The following UST variants were observed in gnomAD, a reference collection of about 807,000 sequenced individuals.
UST encodes the protein uronyl 2-sulfotransferase, also known as chondroitin sulfate 2-O-sulfotransferase.
UST carries 21 observed loss-of-function variants against 45.6 expected under a neutral mutation model. The observed-to-expected ratio is 0.46, with a 90% CI of 0.33 to 0.66. UST has a LOEUF of 0.66. UST is among the 30% of genes least tolerant of loss of function. The probability of loss-of-function intolerance (pLI) is 0.02; values close to 1 mark genes in which losing one functional copy is unlikely to be tolerated. For missense variants in UST, 463 were observed against 512.4 expected (o/e 0.90, Z 0.93); for synonymous variants, 215 against 200.6 (o/e 1.07, Z -0.61).
chr6:148,923,170 T>C (rs1195955258), intron 2 of UST, among the ~76,000 whole-genome samples: 2 of 152,214 alleles, frequency 1.3e-5, no homozygotes, highest in Admixed American at 1.3e-4. Flanking sequence ...GGACATACCA[T>C]GTTTTAGTTA....
chr6:148,757,551 T>A (rs1180076544), intron 1 of UST, among the ~76,000 whole-genome samples: 1 of 152,202 alleles, frequency 6.6e-6, no homozygotes, highest in Non-Finnish European at 1.5e-5. Context: ...AAATTAGGTC[T>A]CAATCCACCA....
chr6:149,066,904 T>C (rs758718861), intron 7 of UST, among the ~76,000 whole-genome samples: 14 of 152,084 alleles, frequency 9.2e-5, no homozygotes, highest in Non-Finnish European at 1.5e-5. Context: ...CACTCTAGCC[T>C]GGGCAACAGA....
At chr6:149,024,407 T>C (rs1344976088) in intron 7 of UST, among the ~76,000 whole-genome samples, 1 of 152,210 alleles carries the variant, frequency 6.6e-6, no homozygotes, top group African/African-American at 2.4e-5. Flanking sequence ...GAGTTGTTGC[T>C]TCAGTAACTT....
rs897422174 is a variant in UST at position 149,035,307 on chromosome 6, C to T, written c.937+13826C>T. The stretch of plus-strand genomic sequence containing the variant: ...ACCTTAAAAGTCTAAAAATTATAGA[C>T]ATTGGTTTAAGCGTTTTCATTTATT... On this transcript the variant is annotated intron_variant, in intron 7 of 7. Coordinates refer to ENST00000367463, the MANE Select transcript of UST (RefSeq NM_005715.3). 3.3e-5 allele frequency among the ~76,000 whole-genome samples: 5 copies of T among 152,228 alleles called. No individual in the cohort carries two copies. The East Asian group carries it at 9.6e-4, about 29-fold the overall frequency.
At chr6:148,866,917 A>C (rs1387215602) in intron 1 of UST, among the ~76,000 whole-genome samples, 4 of 151,862 alleles carry the variant, frequency 2.6e-5, no homozygotes, top group Non-Finnish European at 5.9e-5. Flanking sequence ...TTAGGTTTGT[A>C]ATGGCTTTGC....
intron 1 of UST, among the ~76,000 whole-genome samples, chr6:148,856,523 A>G (rs755341368): frequency 1.3e-5 from 2 of 152,210 alleles, no homozygotes; most frequent in Non-Finnish European, 2.9e-5. Context: ...CCACCAACCT[A>G]GCATGTCCTG....
At chr6:148,928,555 G>A (rs920138209) in intron 2 of UST, among the ~76,000 whole-genome samples, 7 of 152,208 alleles carry the variant, frequency 4.6e-5, no homozygotes, top group African/African-American at 1.7e-4. Flanking sequence ...TCCTGGTGGA[G>A]ATTTCTGAAA....
At position 149,028,899 on chromosome 6, in the gene UST, T is replaced by C. The variant is rs139228104; in HGVS notation, c.937+7418T>C. Among the ~76,000 whole-genome samples the C allele has an allele frequency of 3.2e-3, 482 of 152,358 alleles. 3 individuals are homozygous for C. The highest frequency in any genetic ancestry group is 0.011 in the African/African-American group (458 of 41,588). Reference sequence around the variant, plus strand: ...ATGTTATTTAATAGACATAGAATGATAATAGAGTTTTTTTAAGTAAGATTC... The same window carrying C: ...ATGTTATTTAATAGACATAGAATGACAATAGAGTTTTTTTAAGTAAGATTC... On this transcript the variant is annotated intron_variant, in intron 7 of 7. Transcript: ENST00000367463.
rs17085691 is a variant in UST at position 148,799,266 on chromosome 6, G to A, written c.247+51589G>A. 1.6e-3 allele frequency among the ~76,000 whole-genome samples: 244 copies of A among 152,330 alleles called. 3 individuals are homozygous for A. In the East Asian group the frequency reaches 0.038, roughly 24 times the overall value. On this transcript the variant is annotated intron_variant, in intron 1 of 7. Transcript: ENST00000367463. The stretch of plus-strand genomic sequence containing the variant: ...TCCCAGGTTAAGGTAGTAATTTAGC[G>A]TGGTCGCACACTAGAAGACTTCTCT...
At chr6:148,789,199 A>C (rs1382006858) in intron 1 of UST, among the ~76,000 whole-genome samples, 1 of 152,124 alleles carries the variant, frequency 6.6e-6, no homozygotes, top group African/African-American at 2.4e-5. Context: ...AGAAGGCTTA[A>C]TTATTTCTTC....
chr6:149,047,762 G>A (rs1776415201), intron 7 of UST, among the ~76,000 whole-genome samples: 1 of 152,154 alleles, frequency 6.6e-6, no homozygotes, highest in Non-Finnish European at 1.5e-5. Flanking sequence ...CCTCACATGA[G>A]CATATAATTT....
chr6:148,967,637 T>G (rs1175446954), intron 5 of UST, among the ~76,000 whole-genome samples: 1 of 152,216 alleles, frequency 6.6e-6, no homozygotes, highest in East Asian at 1.9e-4. Context: ...CGCAGGCAGC[T>G]GTGAGGAGCC....
chr6:149,053,469 C>A (rs1934221), intron 7 of UST, among the ~76,000 whole-genome samples: 47,508 of 152,058 alleles, frequency 0.31, 7,828 homozygotes, highest in Non-Finnish European at 0.36. Flanking sequence ...TCCCTGTCTT[C>A]TATGTTCCTC....
intron 1 of UST, among the ~76,000 whole-genome samples, chr6:148,752,957 G>T (rs1443248391): frequency 6.6e-6 from 1 of 152,028 alleles, no homozygotes; most frequent in African/African-American, 2.4e-5. Context: ...GTATTACATA[G>T]AAACTCGGCT....
chr6:148,977,302 A>G (rs1781033990), intron 5 of UST, among the ~76,000 whole-genome samples: 1 of 151,520 alleles, frequency 6.6e-6, no homozygotes, highest in East Asian at 1.9e-4. Context: ...TAGTTTTATT[A>G]TGTAATATGC....
At chr6:149,039,384 G>A (rs552593211) in intron 7 of UST, among the ~76,000 whole-genome samples, 249 of 152,088 alleles carry the variant, frequency 1.6e-3, no homozygotes, top group African/African-American at 4.2e-3. Flanking sequence ...GCACCACCAC[G>A]CCCAGCTAAT....
At chr6:148,922,371 A>T (rs1267621439) in intron 2 of UST, among the ~76,000 whole-genome samples, 5 of 143,260 alleles carry the variant, frequency 3.5e-5, no homozygotes, top group Non-Finnish European at 7.6e-5. Flanking sequence ...TGTGGCCTTT[A>T]TGTCTGACTT....
intron 1 of UST, among the ~76,000 whole-genome samples, chr6:148,754,096 G>A (rs1170615097): frequency 6.6e-6 from 1 of 151,346 alleles, no homozygotes; most frequent in Non-Finnish European, 1.5e-5. Context: ...CCAGGTACAC[G>A]CCATTCTCCT....
At chr6:148,945,894 GT>G (rs1720872703) in intron 3 of UST, among the ~76,000 whole-genome samples, 1 of 152,096 alleles carries the variant, frequency 6.6e-6, no homozygotes, top group Non-Finnish European at 1.5e-5. Flanking sequence ...CACTATAAAC[GT>G]AACATCTGTT....
Sources: allele counts gnomAD v4.1 joint callset (sites outside exome capture counted in the v4.1 genomes callset), GRCh38; gene constraint gnomAD v4.1.1; transcripts MANE v1.5; gene names NCBI Gene and HGNC (gene_info 2026-07-23, HGNC 2026-07-21).